The following NHSL1 variants were observed in gnomAD, a reference collection of about 807,000 sequenced individuals.
NHSL1 encodes the protein NHS like 1.
A neutral mutation model predicts 95.0 loss-of-function variants in NHSL1; 48 were observed. The ratio of observed to expected loss-of-function variants is 0.51; its 90% CI spans 0.40 to 0.64. The LOEUF (loss-of-function observed/expected upper bound fraction) is 0.64, where lower values mean the gene tolerates loss of function less well. Ranked by LOEUF, NHSL1 falls within the 30% of genes least tolerant of loss-of-function variation. The pLI is 0.00. For missense variants in NHSL1, 1,971 were observed against 2,077.7 expected (o/e 0.95, Z 1.00); for synonymous variants, 783 against 833.9 (o/e 0.94, Z 1.05).
intron 1 of NHSL1, among the ~76,000 whole-genome samples, chr6:138,667,640 T>C (rs1785312439): frequency 6.6e-6 from 1 of 152,248 alleles, no homozygotes; most frequent in Admixed American, 6.5e-5. Flanking sequence ...TAGAATTTCA[T>C]TCACTCACCA....
intron 1 of NHSL1, among the ~76,000 whole-genome samples, chr6:138,649,636 C>T (rs1174647044): frequency 1.3e-5 from 2 of 152,106 alleles, no homozygotes; most frequent in African/African-American, 4.8e-5. Context: ...ATGAGGAGGA[C>T]ACATTCTGAG....
chr6:138,426,144 C>A (rs1053390682), intron 7 of NHSL1, among the ~76,000 whole-genome samples: 2 of 152,160 alleles, frequency 1.3e-5, no homozygotes, highest in Admixed American at 6.5e-5. Context: ...GGAGAACTTG[C>A]TTTAAGGAAA....
chr6:138,679,680 G>A (rs1287764717), intron 1 of NHSL1, among the ~76,000 whole-genome samples: 2 of 152,098 alleles, frequency 1.3e-5, no homozygotes, highest in African/African-American at 4.8e-5. Flanking sequence ...GTGTGAACAC[G>A]CAGACCCCTG....
At chr6:138,641,095 G>A (rs944952059) in intron 1 of NHSL1, among the ~76,000 whole-genome samples, 1 of 152,168 alleles carries the variant, frequency 6.6e-6, no homozygotes, top group African/African-American at 2.4e-5. Context: ...GGCAGATCAC[G>A]AGTTTAAGAC....
intron 1 of NHSL1, among the ~76,000 whole-genome samples, chr6:138,582,672 T>C (rs1784079537): frequency 1.3e-5 from 2 of 152,230 alleles, no homozygotes; most frequent in Admixed American, 1.3e-4. Context: ...CCTGGGCTAC[T>C]GCCATGCCCT....
intron 1 of NHSL1, among the ~76,000 whole-genome samples, chr6:138,649,647 T>C (rs1165491923): frequency 6.6e-6 from 1 of 152,098 alleles, no homozygotes; most frequent in African/African-American, 2.4e-5. Flanking sequence ...ACATTCTGAG[T>C]AGTCACATGA....
intron 1 of NHSL1, among the ~76,000 whole-genome samples, chr6:138,601,573 G>C (rs983678838): frequency 2.0e-5 from 3 of 152,104 alleles, no homozygotes; most frequent in Non-Finnish European, 4.4e-5. Flanking sequence ...CAGCACTCTC[G>C]GAGGCCGAGG....
intron 3 of NHSL1, among the ~76,000 whole-genome samples, chr6:138,448,440 G>A (rs982198921): frequency 2.0e-5 from 3 of 152,116 alleles, no homozygotes; most frequent in African/African-American, 7.2e-5. Flanking sequence ...TTTCACTGGA[G>A]AATAAAAAGT....
At position 138,686,885 on chromosome 6, in the gene NHSL1, G is replaced by GA. The variant is rs552879495; in HGVS notation, c.96+5590dup. 3.9e-5 allele frequency among the ~76,000 whole-genome samples: 6 copies of GA among 152,258 alleles called. No individual in the cohort carries two copies. The East Asian group carries it at 9.7e-4, about 25-fold the overall frequency. ...GGGTCTGGGAATCTCTAATTTTAAC[G>GA]AAAGTTCCAAGCAGTTCTTAAAGTT... On this transcript the variant is annotated intron_variant, in intron 1 of 3. Coordinates refer to the NHSL1 transcript ENST00000491526.
At chr6:138,444,419 T>C (rs1167095036) in intron 4 of NHSL1, among the ~76,000 whole-genome samples, 1 of 152,200 alleles carries the variant, frequency 6.6e-6, no homozygotes, top group African/African-American at 2.4e-5. Context: ...AAGATATTTA[T>C]ATGTACATAT....
intron 3 of NHSL1, among the ~76,000 whole-genome samples, chr6:138,471,263 A>G (rs529876526): frequency 6.6e-6 from 1 of 152,230 alleles, no homozygotes; most frequent in South Asian, 2.1e-4. Context: ...GACAATGCCA[A>G]TTTGCTAGTG....
At chr6:138,525,942 C>G (rs1359278432) in intron 1 of NHSL1, among the ~76,000 whole-genome samples, 1 of 151,098 alleles carries the variant, frequency 6.6e-6, no homozygotes, top group Non-Finnish European at 1.5e-5. Context: ...ACTAAAAATA[C>G]AGAAATTAGC....
At chr6:138,622,487 A>G (rs1784678847) in intron 1 of NHSL1, among the ~76,000 whole-genome samples, 11 of 152,132 alleles carry the variant, frequency 7.2e-5, no homozygotes. Flanking sequence ...CTCTGTCTCA[A>G]AAAAGAAAGA....
At chr6:138,554,492 T>C (rs1783124192) in intron 1 of NHSL1, among the ~76,000 whole-genome samples, 1 of 152,184 alleles carries the variant, frequency 6.6e-6, no homozygotes, top group South Asian at 2.1e-4. Flanking sequence ...TGCCACAATA[T>C]ATGTGTTAAT....
chr6:138,624,301 T>C (rs78436503), intron 1 of NHSL1, among the ~76,000 whole-genome samples: 1 of 152,136 alleles, frequency 6.6e-6, no homozygotes, highest in Admixed American at 6.6e-5. Flanking sequence ...CTAACAAGCG[T>C]AGGTGACACT....
chr6:138,458,099 C>A (rs1476768142), intron 3 of NHSL1, among the ~76,000 whole-genome samples: 3 of 151,928 alleles, frequency 2.0e-5, no homozygotes, highest in Non-Finnish European at 4.4e-5. Flanking sequence ...GAAGACCATA[C>A]TGCTGGCCTG....
At chr6:138,596,569 T>C (rs1784304750) in intron 1 of NHSL1, among the ~76,000 whole-genome samples, 1 of 152,180 alleles carries the variant, frequency 6.6e-6, no homozygotes, top group Non-Finnish European at 1.5e-5. Flanking sequence ...TGTATTTCAT[T>C]TGTTAAAACG....
intron 1 of NHSL1, among the ~76,000 whole-genome samples, chr6:138,520,161 A>G (rs989471716): frequency 1.3e-5 from 2 of 152,204 alleles, no homozygotes; most frequent in East Asian, 3.8e-4. Context: ...ATATAAATCT[A>G]CACAGTCTTG....
At chr6:138,507,436 G>T (rs1161346230) in intron 1 of NHSL1, among the ~76,000 whole-genome samples, 1 of 152,188 alleles carries the variant, frequency 6.6e-6, no homozygotes, top group Non-Finnish European at 1.5e-5. Flanking sequence ...GATTAGAAGA[G>T]ATTTAAAGAA....
Sources: allele counts gnomAD v4.1 joint callset (sites outside exome capture counted in the v4.1 genomes callset), GRCh38; gene constraint gnomAD v4.1.1; transcripts MANE v1.5; gene names NCBI Gene and HGNC (gene_info 2026-07-23, HGNC 2026-07-21).